Variants in STK31 observed in about 807,000 individuals in gnomAD.
STK31 encodes serine/threonine kinase 31, also known as serine/threonine-protein kinase 31.
In STK31, 89 loss-of-function variants were observed where a neutral mutation model predicts 129.7. The ratio of observed to expected loss-of-function variants is 0.69; its 90% CI spans 0.58 to 0.82. The LOEUF (loss-of-function observed/expected upper bound fraction) is 0.82. STK31 is among the 40% of genes least tolerant of loss of function. The probability of loss-of-function intolerance (pLI) is 0.00; values close to 1 mark genes in which losing one functional copy is unlikely to be tolerated. For missense variants in STK31, 1,187 were observed against 1,176.4 expected (o/e 1.01, Z -0.13); for synonymous variants, 448 against 395.3 (o/e 1.13, Z -1.58).
chr7:23,713,963 A>T (rs1327548257), intron 3 of STK31, among the ~76,000 whole-genome samples: 1 of 152,118 alleles, frequency 6.6e-6, no homozygotes, highest in Admixed American at 6.5e-5. Context: ...CTTTTGTGAG[A>T]CTGGGGCACG....
intron 4 of STK31, among the ~76,000 whole-genome samples, chr7:23,725,218 G>A (rs1203144773): frequency 2.6e-4 from 40 of 151,940 alleles, no homozygotes; most frequent in Admixed American, 2.6e-3. Flanking sequence ...TAGGGATATT[G>A]CCCCAGTTGA....
chr7:23,710,648 T>C (rs1785894257), intron 1 of STK31: 3 of 1,199,952 alleles, frequency 2.5e-6, no homozygotes, highest in Non-Finnish European at 2.1e-6. Flanking sequence ...ATAAAATAAG[T>C]GTCAGAGAGC....
chr7:23,828,612 G>C (rs1279531777), intron 23 of STK31, among the ~76,000 whole-genome samples: 1 of 152,206 alleles, frequency 6.6e-6, no homozygotes, highest in African/African-American at 2.4e-5. Flanking sequence ...TGCACCCACT[G>C]TCCGGCACTC....
chr7:23,725,100 T>C (rs941543996), intron 4 of STK31, among the ~76,000 whole-genome samples: 4 of 152,270 alleles, frequency 2.6e-5, no homozygotes, highest in African/African-American at 9.6e-5. Context: ...ACTACAGATA[T>C]ACAGTATATA....
At chr7:23,812,684 G>A (rs1793215229) in intron 22 of STK31, among the ~76,000 whole-genome samples, 1 of 149,914 alleles carries the variant, frequency 6.7e-6, no homozygotes, top group Non-Finnish European at 1.5e-5. Flanking sequence ...CCACCTTTTC[G>A]AATCTTCAGT....
intron 6 of STK31, among the ~76,000 whole-genome samples, chr7:23,733,014 C>T (rs892474165): frequency 2.0e-5 from 3 of 151,942 alleles, no homozygotes; most frequent in African/African-American, 7.3e-5. Context: ...GTGATAACTT[C>T]TGGACTGTAT....
chr7:23,743,474 T>C (rs1788172838), intron 8 of STK31, among the ~76,000 whole-genome samples: 1 of 152,212 alleles, frequency 6.6e-6, no homozygotes, highest in Non-Finnish European at 1.5e-5. Context: ...CATTCTCTCC[T>C]GTAAGGATTT....
intron 23 of STK31, among the ~76,000 whole-genome samples, chr7:23,823,791 G>T (rs1793936043): frequency 6.6e-6 from 1 of 152,150 alleles, no homozygotes; most frequent in Non-Finnish European, 1.5e-5. Flanking sequence ...GTAAGGAAGG[G>T]ATCCAGTTTC....
In STK31 at chr7:23,795,800, T is replaced by G. The variant is rs193165540; in HGVS notation, c.2760+4854T>G. 4.8e-3 allele frequency among the ~76,000 whole-genome samples: 731 copies of G among 152,332 alleles called. 5 individuals carry two copies. The highest frequency in any genetic ancestry group is 0.016 in the African/African-American group (683 of 41,558). ...TAAGATTTGACTGCCCTGCTGGATT[T>G]TGAATTTGCATGAGGCCTGTAGCCC... On this transcript the variant is annotated intron_variant, in intron 22 of 23. Coordinates refer to ENST00000355870, the MANE Select transcript of STK31 (RefSeq NM_031414.5).
intron 11 of STK31, among the ~76,000 whole-genome samples, chr7:23,763,396 C>T (rs1789599065): frequency 6.6e-6 from 1 of 152,170 alleles, no homozygotes; most frequent in African/African-American, 2.4e-5. Flanking sequence ...TTGTCTTCAG[C>T]TCTGTCTTGC....
chr7:23,814,146 CTTATT>C lies in STK31; in HGVS notation c.2761-995_2761-991del, dbSNP rs1317323410. On this transcript the variant is annotated intron_variant, in intron 22 of 23. Transcript: ENST00000355870. ...GTTGGGAAACATCAGATCTGGCTCACTTATTTTTTTTTTTTTTTCAGTTGGGAGGG... is the reference window on the plus strand; with the variant it reads ...GTTGGGAAACATCAGATCTGGCTCACTTTTTTTTTTTTTCAGTTGGGAGGG... 6.1e-5 allele frequency among the ~76,000 whole-genome samples: 6 copies of C among 98,916 alleles called. 1 individual carries two copies. The highest frequency in any genetic ancestry group is 1.1e-4 in the Non-Finnish European group (6 of 53,226). The allele number at this position is 98,916 out of a possible 152,430, so 64.9% of individuals were successfully genotyped here.
intron 5 of STK31, 28 bp from the exon 6 acceptor site, chr7:23,729,063 A>G (rs1350032823): frequency 7.7e-6 from 12 of 1,564,744 alleles, no homozygotes; most frequent in Admixed American, 2.0e-5. Context: ...TGGGGTCAGT[A>G]TTCGTATTTG....
At chr7:23,761,523 C>G (rs1475684611) in intron 10 of STK31, among the ~76,000 whole-genome samples, 2 of 151,244 alleles carry the variant, frequency 1.3e-5, no homozygotes, top group East Asian at 3.9e-4. Flanking sequence ...CGGGTTCGTG[C>G]CATTCTGCTG....
At chr7:23,831,091 A>C (rs1342097550) in intron 23 of STK31, among the ~76,000 whole-genome samples, 1 of 152,196 alleles carries the variant, frequency 6.6e-6, no homozygotes, top group Non-Finnish European at 1.5e-5. Flanking sequence ...TATGAGAAGT[A>C]TGTGTATTCT....
chr7:23,717,424 G>A (rs559246818), intron 3 of STK31, 57 bp from the exon 4 acceptor site: 39 of 1,250,976 alleles, frequency 3.1e-5, no homozygotes, highest in South Asian at 5.4e-5. Context: ...ACCCTCAAGC[G>A]TGTAACACTG....
chr7:23,712,610 C>T (rs535221472), intron 3 of STK31, among the ~76,000 whole-genome samples: 16 of 152,138 alleles, frequency 1.1e-4, no homozygotes, highest in Admixed American at 8.5e-4. Context: ...AGTTATAGCC[C>T]CATCTAGGGG....
intron 11 of STK31, among the ~76,000 whole-genome samples, chr7:23,767,415 G>A (rs371980221): frequency 1.3e-5 from 2 of 152,076 alleles, no homozygotes; most frequent in East Asian, 1.9e-4. Context: ...AATAGAATGG[G>A]GTTATTTTTA....
At chr7:23,822,560 T>C (rs1035420279) in intron 23 of STK31, among the ~76,000 whole-genome samples, 2 of 152,164 alleles carry the variant, frequency 1.3e-5, no homozygotes, top group Non-Finnish European at 2.9e-5. Context: ...AGATAGAAGA[T>C]TATGTCATCT....
At chr7:23,806,934 G>C (rs73271391) in intron 22 of STK31, among the ~76,000 whole-genome samples, 3,771 of 149,612 alleles carry the variant, frequency 0.025, 140 homozygotes, top group African/African-American at 0.075. Flanking sequence ...AGAGATACAG[G>C]ATGGACGGAC....
Sources: gnomAD v4.1 joint callset for allele counts (sites outside exome capture counted in the v4.1 genomes callset) on GRCh38, gnomAD v4.1.1 for gene constraint, MANE v1.5 for transcripts, NCBI Gene and HGNC (gene_info 2026-07-23, HGNC 2026-07-21) for gene names.